Variants in LASP1 observed in about 807,000 individuals in gnomAD.
The protein encoded by LASP1 is LIM and SH3 protein 1, also known as LIM and SH3 domain protein 1.
A neutral mutation model predicts 38.6 loss-of-function variants in LASP1; 10 were observed. The ratio of observed to expected loss-of-function variants is 0.26; its 90% CI spans 0.16 to 0.44. The LOEUF is 0.44. Among genes scored for constraint, LASP1 ranks in the 20% least tolerant of loss-of-function variants. The pLI, the probability that LASP1 is intolerant of heterozygous loss-of-function variation, is 1.00. For missense variants in LASP1, 243 were observed against 375.7 expected (o/e 0.65, Z 2.92); for synonymous variants, 132 against 140.8 (o/e 0.94, Z 0.44).
At chr17:38,903,042 G>T (rs1319309074) in intron 4 of LASP1, among the ~76,000 whole-genome samples, 5 of 152,164 alleles carry the variant, frequency 3.3e-5, no homozygotes, top group Non-Finnish European at 1.5e-5. Context: ...TCTTACAAAA[G>T]AATGAGGATA....
intron 1 of LASP1, among the ~76,000 whole-genome samples, chr17:38,872,577 G>A (rs11657600): frequency 0.021 from 3,214 of 152,258 alleles, 108 homozygotes; most frequent in African/African-American, 0.074. Flanking sequence ...ATAGGACCAG[G>A]AATGGGGAGC....
chr17:38,916,942 A>G (rs1487906973), intron 6 of LASP1: 3 of 152,224 alleles, frequency 2.0e-5, no homozygotes, highest in Non-Finnish European at 4.4e-5. Flanking sequence ...CAACGAGGAC[A>G]GGAAGTGCAA....
rs969795148 is a variant in LASP1, at chr17:38,898,738, A to G, written c.357+219A>G. The G allele has an allele frequency of 1.5e-5, 9 of 615,828 alleles. No homozygotes were observed. The African/African-American group carries it at 1.6e-4, about 11-fold the overall frequency. The allele number at this position is 615,828 out of a possible 1,614,324, so 38.1% of individuals were successfully genotyped here. A position where few individuals can be genotyped will look rare whatever the true frequency, so the allele number is the denominator to read the frequency against. On this transcript the variant is annotated intron_variant, in intron 4 of 6. Transcript: ENST00000318008. Reference sequence around the variant, plus strand: ...CGCATAGCATTTTCTTCTTGAAGGGACTGTATTCTGTGGGGGCCTGTGTGC... The same window carrying G: ...CGCATAGCATTTTCTTCTTGAAGGGGCTGTATTCTGTGGGGGCCTGTGTGC...
chr17:38,898,403 C>G lies in LASP1; in HGVS notation c.250-9C>G, dbSNP rs1444099962. 1 of 1,542,166 alleles carries G rather than the reference C, an allele frequency of 6.5e-7. No individual in the cohort carries two copies. Among genetic ancestry groups the G allele is most frequent in the Admixed American group, 2.0e-5 (1 of 50,764 alleles). On this transcript the variant is annotated splice_polypyrimidine_tract_variant and intron_variant, in intron 3 of 6. Coordinates refer to ENST00000318008, the MANE Select transcript of LASP1 (RefSeq NM_006148.4). The stretch of plus-strand genomic sequence containing the variant: ...CCTGACTCCAATCCCTCTTCCTCCC[C>G]TCCTGCAGGTGCGCTACAAGGAGGA...
At position 38,920,281 on chromosome 17, in the gene LASP1, C is replaced by T. The variant is rs866047565; in HGVS notation, c.*1503C>T. 3.8e-5 allele frequency: 16 copies of T among 415,808 alleles called. No individual in the cohort carries two copies. In the Middle Eastern group the frequency reaches 1.8e-3, roughly 46 times the overall value. 25.8% of individuals were successfully genotyped at this position (415,808 alleles called of 1,614,324 possible). On this transcript the variant is annotated 3_prime_UTR_variant, in exon 7 of 7. Transcript: ENST00000318008. ...AGTGTCACCCTGTGGGTGTCTCCCT[C>T]GGGGGCTCTTCCCCTAGACCTCCCC... is the stretch of plus-strand genomic sequence containing the variant.
intron 2 of LASP1, among the ~76,000 whole-genome samples, chr17:38,886,618 C>A (rs1914146930): frequency 6.6e-6 from 1 of 152,114 alleles, no homozygotes; most frequent in Admixed American, 6.5e-5. Context: ...GCCAACCCCA[C>A]CCAAGGTGCC....
chr17:38,918,163 G>GT lies in LASP1; in HGVS notation c.613-440dup, dbSNP rs1237025115. On this transcript the variant is annotated intron_variant, in intron 6 of 6. Transcript: ENST00000318008. The surrounding 1 kb of genome is among the most constrained non-coding windows in gnomAD (Gnocchi z 4.4). ...TCAAAAAAAAAAAAAAAAAGAGGGAGTTGGGGGGTCTTACTGTGTTTCCCA... is the reference window on the plus strand; with the variant it reads ...TCAAAAAAAAAAAAAAAAAGAGGGAGTTTGGGGGGTCTTACTGTGTTTCCCA... 1.1e-4 allele frequency among the ~76,000 whole-genome samples: 17 copies of GT among 151,796 alleles called. No homozygotes were observed. The East Asian group carries it at 2.7e-3, about 24-fold the overall frequency.
intron 5 of LASP1, 45 bp downstream of exon 5, chr17:38,914,520 G>T (rs1313772356): frequency 1.3e-6 from 2 of 1,548,954 alleles, no homozygotes; most frequent in Admixed American, 3.8e-5. Flanking sequence ...GGCGAGGCCA[G>T]TGGGGTGGGG....
chr17:38,898,534 T>C lies in LASP1; in HGVS notation c.357+15T>C, dbSNP rs146454293. 4.4e-3 allele frequency: 6,768 copies of C among 1,521,948 alleles called. 28 individuals are homozygous for C. Among genetic ancestry groups the C allele is most frequent in the Non-Finnish European group, 4.8e-3 (5,360 of 1,119,770 alleles). The allele number at this position is 1,521,948 out of a possible 1,614,324, so 94.3% of individuals were successfully genotyped here. A position where few individuals can be genotyped will look rare whatever the true frequency, so the allele number is the denominator to read the frequency against. ...AGATCAGTAACGTGAGCTCTTGCCCTGCCCTGCGGCATCCCTGCTGCCCTC... is the reference window on the plus strand; with the variant it reads ...AGATCAGTAACGTGAGCTCTTGCCCCGCCCTGCGGCATCCCTGCTGCCCTC... On this transcript the variant is annotated intron_variant, in intron 4 of 6. Transcript: ENST00000318008.
intron 2 of LASP1, among the ~76,000 whole-genome samples, chr17:38,882,494 C>G (rs758551013): frequency 6.6e-6 from 1 of 152,106 alleles, no homozygotes; most frequent in Admixed American, 6.6e-5. Context: ...GTGATCCACT[C>G]GCCTCGGCCT....
At chr17:38,911,762 A>G (rs879867566) in intron 4 of LASP1, among the ~76,000 whole-genome samples, 2 of 151,368 alleles carry the variant, frequency 1.3e-5, no homozygotes, top group African/African-American at 2.4e-5. Context: ...GCAATGAGAT[A>G]TGTATGTGAG....
rs544192246 is a variant in LASP1 at position 38,912,117 on chromosome 17, G to A, written c.358-2208G>A. 3.9e-5 allele frequency among the ~76,000 whole-genome samples: 6 copies of A among 152,322 alleles called. 1 individual carries two copies. The South Asian group carries it at 1.2e-3, about 32-fold the overall frequency. ...CCTCACCACCCGCCTTTCTTGTGGT[G>A]TAGTTCTTGCTGCCTCAAGAACTAC... On this transcript the variant is annotated intron_variant, in intron 4 of 6. Transcript: ENST00000318008.
At chr17:38,894,670 A>G (rs190827189) in intron 3 of LASP1, among the ~76,000 whole-genome samples, 29 of 152,112 alleles carry the variant, frequency 1.9e-4, no homozygotes, top group African/African-American at 6.5e-4. Context: ...CAACCTTTTG[A>G]CCATGACTTC....
intron 4 of LASP1, among the ~76,000 whole-genome samples, chr17:38,900,197 C>CAAAAAAAAAAAAA (rs56008544): frequency 1.5e-5 from 1 of 67,572 alleles, no homozygotes; most frequent in Non-Finnish European, 2.5e-5. Flanking sequence ...ACTGTTTCTA[C>CAAAAAAAAAAAAA]AAAAAAAAAA....
At chr17:38,905,927 G>A (rs1001150703) in intron 4 of LASP1, among the ~76,000 whole-genome samples, 1 of 152,108 alleles carries the variant, frequency 6.6e-6, no homozygotes, top group African/African-American at 2.4e-5. Flanking sequence ...GTGCATGGTG[G>A]CATCCACCTG....
chr17:38,870,699 G>GC (rs1913577782), intron 1 of LASP1, among the ~76,000 whole-genome samples: 1 of 152,074 alleles, frequency 6.6e-6, no homozygotes, highest in Admixed American at 6.5e-5. Flanking sequence ...GGCAGAGGCT[G>GC]GGGGGCCCTG....
intron 1 of LASP1, among the ~76,000 whole-genome samples, chr17:38,876,992 G>A (rs1913799944): frequency 6.6e-6 from 1 of 152,188 alleles, no homozygotes. Context: ...GTGAGCCACC[G>A]TGCCCGGCCG....
intron 1 of LASP1, chr17:38,873,854 A>T (rs1407768788): frequency 6.6e-6 from 1 of 152,278 alleles, no homozygotes; most frequent in South Asian, 2.1e-4. Context: ...TCCCTGAGTC[A>T]TGGCCACCCC....
intron 1 of LASP1, among the ~76,000 whole-genome samples, chr17:38,876,676 T>TTTC (rs539435735): frequency 1.9e-3 from 287 of 151,122 alleles, no homozygotes; most frequent in African/African-American, 6.4e-3. Context: ...ATCTGTTCTC[T>TTTC]TTCTGTCATC....
Sources: gnomAD v4.1 joint callset for allele counts (sites outside exome capture counted in the v4.1 genomes callset) on GRCh38, gnomAD v4.1.1 for gene constraint, Gnocchi (gnomAD v3.1) non-coding constraint, MANE v1.5 for transcripts, NCBI Gene and HGNC (gene_info 2026-07-23, HGNC 2026-07-21) for gene names.